GALNS: variants seen among roughly 807,000 people sequenced by gnomAD.
The protein encoded by GALNS is galactosamine (N-acetyl)-6-sulfatase, also known as N-acetylgalactosamine-6-sulfatase.
A neutral mutation model predicts 65.9 loss-of-function variants in GALNS; 65 were observed. The ratio of observed to expected loss-of-function variants is 0.99; its 90% CI spans 0.81 to 1.21. GALNS has a LOEUF of 1.21. GALNS is among the 50% of genes most tolerant of loss of function. The probability of loss-of-function intolerance (pLI) is 0.00; values close to 1 mark genes in which losing one functional copy is unlikely to be tolerated. For synonymous variants in GALNS, 346 were observed against 288.9 expected, an observed-to-expected ratio of 1.20 and a Z score of -2.00; for missense variants, 776 against 700.7, an observed-to-expected ratio of 1.11 and a Z score of -1.21.
chr16:88,844,167 A>C (rs541273212), intron 1 of GALNS: 1 of 148,352 alleles, frequency 6.7e-6, no homozygotes, highest in Non-Finnish European at 1.5e-5. Flanking sequence ...AAAAACCCCA[A>C]GCAGGAGGAC....
Position 88,841,885 on chromosome 16 carries a change from T to TGG in GALNS, c.319+10_319+11dup. ...ACCCCAAGGGTGTCCCTGGAGGCGG[T>TGG]GGGCAGCCTACCGTTTCTGGCATGG... is the stretch of plus-strand genomic sequence containing the variant. On this transcript the variant is annotated intron_variant, in intron 3 of 13. Transcript: ENST00000268695. 2 of 1,610,608 alleles carry TGG rather than the reference T, an allele frequency of 1.2e-6. No homozygotes were observed. Among genetic ancestry groups the TGG allele is most frequent in the Non-Finnish European group, 1.7e-6 (2 of 1,178,502 alleles).
intron 4 of GALNS, among the ~76,000 whole-genome samples, chr16:88,838,206 G>A (rs1358033509): frequency 6.6e-6 from 1 of 152,206 alleles, no homozygotes; most frequent in Non-Finnish European, 1.5e-5. Flanking sequence ...TTTCCTGCCA[G>A]GTAATTACTG....
Position 88,827,257 on chromosome 16 carries a change from G to A in GALNS, c.1003-419C>T, listed in dbSNP as rs78445105. 1.3e-3 allele frequency: 340 copies of A among 254,032 alleles called. 4 individuals are homozygous for A. In the East Asian group the frequency reaches 0.023, roughly 17 times the overall value. 15.7% of individuals were successfully genotyped at this position (254,032 alleles called of 1,614,324 possible). ...AAAAACCAGATGTGGAGGGGCAGCT[G>A]AGGCTGGACAGGAGCAGCTCCGAGT... is the stretch of plus-strand genomic sequence containing the variant. On this transcript the variant is annotated intron_variant, in intron 9 of 13. Coordinates refer to ENST00000268695, the MANE Select transcript of GALNS (RefSeq NM_000512.5).
chr16:88,814,633 A>G, intron 13 of GALNS, 108 bp from the exon 14 acceptor site: 3 of 1,527,454 alleles, frequency 2.0e-6, no homozygotes, highest in Non-Finnish European at 2.6e-6. Flanking sequence ...TCACTCTGTC[A>G]CCCAGGCTGG....
intron 13 of GALNS, chr16:88,816,104 A>AG: frequency 4.1e-6 from 4 of 985,306 alleles, no homozygotes; most frequent in Non-Finnish European, 3.6e-6. Context: ...CCAGTGGCTC[A>AG]GCTCGCCAGG....
intron 9 of GALNS, among the ~76,000 whole-genome samples, chr16:88,828,324 C>T (rs996793849): frequency 2.0e-5 from 3 of 152,346 alleles, no homozygotes; most frequent in South Asian, 2.1e-4. Context: ...CCTCGTGGAG[C>T]GTTTTCGAAG....
chr16:88,850,774 A>T (rs554073854), intron 1 of GALNS, among the ~76,000 whole-genome samples: 3 of 152,246 alleles, frequency 2.0e-5, no homozygotes, highest in African/African-American at 7.2e-5. Flanking sequence ...GCTGTGCGAG[A>T]CTCAGTTCCC....
intron 1 of GALNS, among the ~76,000 whole-genome samples, chr16:88,854,137 A>T (rs1161948083): frequency 6.6e-6 from 1 of 152,150 alleles, no homozygotes; most frequent in Non-Finnish European, 1.5e-5. Flanking sequence ...CCAAAATCTG[A>T]ACTTGAGACA....
In GALNS at chr16:88,837,569, C is replaced by T. The variant is rs146999598; in HGVS notation, c.566+53G>A. The stretch of plus-strand genomic sequence containing the variant: ...CAGTGCTAGAGGCGGGGGGCAGGCA[C>T]GCCGGGCACAGCAGTTCAGGACGTG... On this transcript the variant is annotated intron_variant, in intron 5 of 13. Coordinates refer to ENST00000268695, the MANE Select transcript of GALNS (RefSeq NM_000512.5). 2.2e-4 allele frequency: 345 copies of T among 1,591,486 alleles called. No homozygotes were observed. The African/African-American group carries it at 3.2e-3, about 15-fold the overall frequency.
intron 10 of GALNS, among the ~76,000 whole-genome samples, chr16:88,825,974 G>A (rs571395383): frequency 2.0e-5 from 3 of 152,320 alleles, no homozygotes; most frequent in South Asian, 4.1e-4. Flanking sequence ...TGAGTGGAAT[G>A]GTGGCTGCTC....
At chr16:88,843,852 G>C (rs1395745291) in intron 1 of GALNS, 1 of 153,452 alleles carries the variant, frequency 6.5e-6, no homozygotes, top group Non-Finnish European at 1.5e-5. Context: ...ACCCCACACC[G>C]CGCACGGCCC....
In GALNS at chr16:88,842,660, C is replaced by T. The variant is rs1967029049; in HGVS notation, c.244+46G>A. On this transcript the variant is annotated intron_variant, in intron 2 of 13. Transcript: ENST00000268695. ...CTGGAAGGACCCGGGAGGCCTCGGC[C>T]TGTTGGGCTCACCCCTTCCTGGGGG... 3 of 1,606,504 alleles carry T rather than the reference C, an allele frequency of 1.9e-6. No individual in the cohort carries two copies. In the South Asian group the frequency reaches 3.3e-5, roughly 18 times the overall value.
chr16:88,854,350 C>A (rs985933996), intron 1 of GALNS, among the ~76,000 whole-genome samples: 3 of 152,226 alleles, frequency 2.0e-5, no homozygotes, highest in Admixed American at 1.3e-4. Flanking sequence ...CCTGTGAGGA[C>A]CCCCTTGCAC....
chr16:88,816,032 C>T (rs1334173793), intron 13 of GALNS: 1 of 985,396 alleles, frequency 1.0e-6, no homozygotes, highest in East Asian at 1.1e-4. Context: ...CCAGGCTTCA[C>T]ACGCGTGTCT....
intron 4 of GALNS, 162 bp from the exon 5 acceptor site, chr16:88,837,927 C>A (rs1912315988): frequency 1.4e-6 from 1 of 701,506 alleles, no homozygotes; most frequent in Non-Finnish European, 2.4e-6. Context: ...AAGACCAAGG[C>A]CTCACCCGAG....
At chr16:88,840,777 G>A (rs1374377483) in intron 4 of GALNS, 7 of 595,602 alleles carry the variant, frequency 1.2e-5, no homozygotes, top group East Asian at 5.8e-5. Context: ...GGATACTCGC[G>A]GCCGTGGGAC....
At chr16:88,853,958 A>G (rs1967634152) in intron 1 of GALNS, among the ~76,000 whole-genome samples, 1 of 152,090 alleles carries the variant, frequency 6.6e-6, no homozygotes, top group African/African-American at 2.4e-5. Context: ...CCAGTTGGAG[A>G]GTGGCTTCTG....
chr16:88,815,794 G>C, intron 13 of GALNS: 1 of 985,432 alleles, frequency 1.0e-6, no homozygotes, highest in Non-Finnish European at 1.2e-6. Context: ...AGTGGGTTTG[G>C]GTGAGGAAGC....
intron 1 of GALNS, chr16:88,855,174 T>G: frequency 1.5e-6 from 1 of 663,186 alleles, no homozygotes; most frequent in Non-Finnish European, 2.8e-6. Flanking sequence ...ACCAAAATAT[T>G]ATTTCGACAA....
Sources: gnomAD v4.1 joint callset for allele counts (sites outside exome capture counted in the v4.1 genomes callset) on GRCh38, gnomAD v4.1.1 for gene constraint, MANE v1.5 for transcripts, NCBI Gene and HGNC (gene_info 2026-07-23, HGNC 2026-07-21) for gene names.